FUT8: variants seen among roughly 807,000 people sequenced by gnomAD.
FUT8 encodes the protein alpha-(1,6)-fucosyltransferase.
Under a neutral mutation model 71.3 loss-of-function variants are expected in FUT8, and 29 were observed. That is an observed-to-expected ratio of 0.41 (90% CI 0.30 to 0.55). The LOEUF is 0.55. FUT8 is among the 20% of genes least tolerant of loss of function. The pLI, the probability that FUT8 is intolerant of heterozygous loss-of-function variation, is 0.34. For missense variants in FUT8, 544 were observed against 702.1 expected (o/e 0.77, Z 2.55); for synonymous variants, 254 against 239.3 (o/e 1.06, Z -0.57).
At chr14:65,539,942 A>T (rs1447868878) in intron 2 of FUT8, among the ~76,000 whole-genome samples, 1 of 152,226 alleles carries the variant, frequency 6.6e-6, no homozygotes, top group Non-Finnish European at 1.5e-5. Context: ...TATAAAACAT[A>T]TTAACTTTTC....
intron 2 of FUT8, among the ~76,000 whole-genome samples, chr14:65,496,377 A>T (rs1331817231): frequency 1.3e-5 from 2 of 152,162 alleles, no homozygotes; most frequent in Non-Finnish European, 2.9e-5. Flanking sequence ...ATATAGGAAC[A>T]TTTATAAGAG....
At chr14:65,538,948 CA>C (rs989392715) in intron 2 of FUT8, among the ~76,000 whole-genome samples, 8 of 151,198 alleles carry the variant, frequency 5.3e-5, no homozygotes, top group African/African-American at 1.9e-4. Context: ...AAAACAAACA[CA>C]AAAAAAACGC....
chr14:65,564,255 T>G (rs1291179548), intron 3 of FUT8, among the ~76,000 whole-genome samples: 1 of 152,080 alleles, frequency 6.6e-6, no homozygotes. Context: ...TACAAAAGAT[T>G]AATTCAGATG....
chr14:65,594,801 C>A (rs1037630908), intron 3 of FUT8, among the ~76,000 whole-genome samples: 1 of 152,118 alleles, frequency 6.6e-6, no homozygotes, highest in African/African-American at 2.4e-5. Context: ...GCCGGTGTCT[C>A]TGAAGTTAAG....
intron 7 of FUT8, among the ~76,000 whole-genome samples, chr14:65,675,358 C>T (rs975638788): frequency 1.3e-5 from 2 of 152,178 alleles, no homozygotes; most frequent in African/African-American, 4.8e-5. Flanking sequence ...AAACATGGTA[C>T]ATTTTCTTGG....
chr14:65,633,715 T>C (rs1239667598), intron 6 of FUT8, among the ~76,000 whole-genome samples: 1 of 142,138 alleles, frequency 7.0e-6, no homozygotes, highest in Non-Finnish European at 1.5e-5. Context: ...GGCTGCCCCA[T>C]CTGAGAAGTG....
chr14:65,575,582 T>TCCTTCCTCCCTTC (rs35174023), intron 3 of FUT8, among the ~76,000 whole-genome samples: 1 of 72,752 alleles, frequency 1.4e-5, no homozygotes, highest in Non-Finnish European at 3.1e-5. Flanking sequence ...CTTCCTTCCT[T>TCCTTCCTCCCTTC]CTTCCTTCCT....
intron 1 of FUT8, among the ~76,000 whole-genome samples, chr14:65,442,557 C>T (rs549789566): frequency 5.4e-5 from 8 of 148,654 alleles, no homozygotes; most frequent in Admixed American, 3.4e-4. Flanking sequence ...AGTATAGGCC[C>T]GCTGTGGTGG....
Position 65,616,330 on chromosome 14 carries a change from A to G in FUT8, c.439A>G (p.Arg147Gly). Residue 147 changes from arginine to glycine, a missense_variant, in exon 5 of 11, where the codon AGA (arginine) becomes GGA (glycine). By Grantham distance (125) the Arg-to-Gly change is moderately radical (BLOSUM62 -2). Transcript: ENST00000673929. ...LKNLEGNELQRHADEFLLDLG... is the reference protein window; with the variant it reads ...LKNLEGNELQGHADEFLLDLG... ...GAACTTAGAAGGAAATGAACTCCAA[A>G]GACATGCAGATGAATTTCTTTTGGA... is the stretch of plus-strand genomic sequence containing the variant. 1 of 1,609,932 alleles carries G rather than the reference A, an allele frequency of 6.2e-7. No individual in the cohort carries two copies. Among genetic ancestry groups the G allele is most frequent in the Non-Finnish European group, 8.5e-7 (1 of 1,178,592 alleles).
At chr14:65,548,401 A>G (rs536941435) in intron 2 of FUT8, among the ~76,000 whole-genome samples, 9 of 152,086 alleles carry the variant, frequency 5.9e-5, no homozygotes, top group African/African-American at 2.2e-4. Context: ...GAGTAAATCA[A>G]TGGCTTATTT....
Position 65,672,471 on chromosome 14 carries a change from G to C in FUT8, c.835+2991G>C, listed in dbSNP as rs570857889. The stretch of plus-strand genomic sequence containing the variant: ...ATATTTATTTATTGTTTTTTGTTTT[G>C]TTTTTAGAGACAGAGTCTTGCTCTG... On this transcript the variant is annotated intron_variant, in intron 7 of 10. Transcript: ENST00000673929. Among the ~76,000 whole-genome samples, 3 of 151,880 alleles carry C rather than the reference G, an allele frequency of 2.0e-5. No homozygotes were observed. The South Asian group carries it at 6.2e-4, about 32-fold the overall frequency.
rs569949707 is a variant in FUT8 at position 65,710,698 on chromosome 14, C to G, written c.836-11077C>G. On this transcript the variant is annotated intron_variant, in intron 7 of 10. Coordinates refer to ENST00000673929, the MANE Select transcript of FUT8 (RefSeq NM_001371533.1). ...TTAGAGGTGAAGAATCATGTCATCACTGTATACCCTTTCTAGCACAGTGTT... is the reference window on the plus strand; with the variant it reads ...TTAGAGGTGAAGAATCATGTCATCAGTGTATACCCTTTCTAGCACAGTGTT... 2.0e-4 allele frequency among the ~76,000 whole-genome samples: 30 copies of G among 152,230 alleles called. 1 individual carries two copies. In the East Asian group the frequency reaches 5.2e-3, roughly 26 times the overall value.
rs74058512 is a variant in FUT8 at position 65,549,514 on chromosome 14, A to G, written c.-227-11823A>G. On this transcript the variant is annotated intron_variant, in intron 2 of 10. Transcript: ENST00000673929. ...ATTCTATATATACCCATGGTTAAAC[A>G]TATTTTCAATGTACATTACTTCAAA... Among the ~76,000 whole-genome samples, 1,363 of 152,306 alleles carry G rather than the reference A, an allele frequency of 8.9e-3. 21 individuals carry two copies. Among genetic ancestry groups the G allele is most frequent in the African/African-American group, 0.029 (1,185 of 41,568 alleles).
At chr14:65,683,858 T>G (rs1308528422) in intron 7 of FUT8, among the ~76,000 whole-genome samples, 1 of 152,024 alleles carries the variant, frequency 6.6e-6, no homozygotes, top group Non-Finnish European at 1.5e-5. Context: ...AGCTTCAAGC[T>G]GTTTCTTTTT....
intron 2 of FUT8, among the ~76,000 whole-genome samples, chr14:65,522,972 T>C (rs531722901): frequency 6.6e-5 from 10 of 152,282 alleles, no homozygotes; most frequent in Admixed American, 6.5e-4. Flanking sequence ...CAGTCTATCA[T>C]TGATGGACGT....
chr14:65,558,136 G>A (rs1594768012), intron 2 of FUT8, among the ~76,000 whole-genome samples: 1 of 151,990 alleles, frequency 6.6e-6, no homozygotes, highest in Non-Finnish European at 1.5e-5. Flanking sequence ...TTCAAGACCA[G>A]CCTGGCCAAC....
chr14:65,502,472 G>A (rs751604077), intron 2 of FUT8, among the ~76,000 whole-genome samples: 3 of 151,720 alleles, frequency 2.0e-5, no homozygotes, highest in Admixed American at 6.6e-5. Flanking sequence ...TGATCTGTCC[G>A]CCTTAGGCTC....
intron 2 of FUT8, among the ~76,000 whole-genome samples, chr14:65,510,194 T>C (rs903558396): frequency 6.6e-6 from 1 of 152,188 alleles, no homozygotes; most frequent in Non-Finnish European, 1.5e-5. Flanking sequence ...AATGGTCATA[T>C]GGTTTTTGTC....
chr14:65,566,860 A>G (rs1345393892), intron 3 of FUT8, among the ~76,000 whole-genome samples: 1 of 151,902 alleles, frequency 6.6e-6, no homozygotes, highest in Non-Finnish European at 1.5e-5. Flanking sequence ...TTTTGTTTCA[A>G]GTTTAATAAT....
Sources: allele counts gnomAD v4.1 joint callset (sites outside exome capture counted in the v4.1 genomes callset), GRCh38; gene constraint gnomAD v4.1.1; transcripts MANE v1.5; gene names NCBI Gene and HGNC (gene_info 2026-07-23, HGNC 2026-07-21).